ZFHX3: variants seen among roughly 807,000 people sequenced by gnomAD.
ZFHX3 encodes zinc finger homeobox protein 3.
A neutral mutation model predicts 279.1 loss-of-function variants in ZFHX3; 42 were observed. The observed-to-expected ratio is 0.15, with a 90% CI of 0.12 to 0.19. The LOEUF (loss-of-function observed/expected upper bound fraction) is 0.19, where lower values mean the gene tolerates loss of function less well. Ranked by LOEUF, ZFHX3 falls within the 10% of genes least tolerant of loss-of-function variation. The probability of loss-of-function intolerance (pLI) is 1.00; values close to 1 mark genes in which losing one functional copy is unlikely to be tolerated. For synonymous variants in ZFHX3, 2,293 were observed against 1,957.8 expected, an observed-to-expected ratio of 1.17 and a Z score of -4.52; for missense variants, 4,981 against 4,754.0, an observed-to-expected ratio of 1.05 and a Z score of -1.40.
intron 3 of ZFHX3, among the ~76,000 whole-genome samples, chr16:72,925,320 T>G (rs914467141): frequency 2.6e-5 from 4 of 152,230 alleles, no homozygotes; most frequent in African/African-American, 9.6e-5. Context: ...GCTTTTACCC[T>G]GTCAACGGTT....
intron 4 of ZFHX3, among the ~76,000 whole-genome samples, chr16:72,837,155 A>AG (rs950179196): frequency 1.2e-4 from 18 of 152,190 alleles, no homozygotes; most frequent in South Asian, 2.1e-4. Context: ...GTCTCCCTCC[A>AG]GGGGCGCCAT....
At chr16:73,462,343 A>G (rs1252344021) in intron 2 of ZFHX3, among the ~76,000 whole-genome samples, 2 of 152,152 alleles carry the variant, frequency 1.3e-5, no homozygotes, top group Non-Finnish European at 2.9e-5. Flanking sequence ...AATGTTGACA[A>G]TTATGTATTT....
intron 4 of ZFHX3, among the ~76,000 whole-genome samples, chr16:72,872,195 T>C (rs1232577864): frequency 6.6e-6 from 1 of 152,194 alleles, no homozygotes; most frequent in Non-Finnish European, 1.5e-5. Context: ...TTCTTAAGTA[T>C]TGCAATTATA....
chr16:73,832,729 G>A (rs1476170382), intron 1 of ZFHX3, among the ~76,000 whole-genome samples: 1 of 152,028 alleles, frequency 6.6e-6, no homozygotes, highest in South Asian at 2.1e-4. Flanking sequence ...CCTTTTAAAG[G>A]TTTTATTCAG....
At chr16:73,015,381 GTA>G (rs1964064763) in intron 1 of ZFHX3, 1 of 152,168 alleles carries the variant, frequency 6.6e-6, no homozygotes, top group Admixed American at 6.5e-5. Context: ...GTTCAGTGGA[GTA>G]TCTTAGCATT....
chr16:72,933,818 T>C (rs984390603), intron 3 of ZFHX3, among the ~76,000 whole-genome samples: 2 of 111,590 alleles, frequency 1.8e-5, no homozygotes, highest in African/African-American at 8.1e-5. Context: ...ACTTTCTTTT[T>C]TTTTTTTTTT....
intron 5 of ZFHX3, among the ~76,000 whole-genome samples, chr16:73,212,564 C>T (rs1478542875): frequency 1.3e-5 from 2 of 152,238 alleles, no homozygotes; most frequent in East Asian, 1.9e-4. Context: ...TGTGCTCTGG[C>T]ATACTGATAT....
At chr16:73,303,454 C>A (rs1188637258) in intron 4 of ZFHX3, among the ~76,000 whole-genome samples, 2 of 152,176 alleles carry the variant, frequency 1.3e-5, no homozygotes, top group Non-Finnish European at 2.9e-5. Flanking sequence ...GCTGATCTTA[C>A]AATTGACATG....
intron 3 of ZFHX3, among the ~76,000 whole-genome samples, chr16:73,419,119 G>A (rs2017662250): frequency 1.3e-5 from 2 of 152,354 alleles, no homozygotes; most frequent in East Asian, 1.9e-4. Context: ...CCTTGTAAAC[G>A]TAGGCTTTCC....
intron 4 of ZFHX3, among the ~76,000 whole-genome samples, chr16:72,882,746 T>C (rs1597342936): frequency 6.6e-6 from 1 of 152,186 alleles, no homozygotes; most frequent in African/African-American, 2.4e-5. Flanking sequence ...AAAAGTTTAA[T>C]TGCCCTTAAT....
intron 2 of ZFHX3, among the ~76,000 whole-genome samples, chr16:73,555,495 C>T (rs1423342196): frequency 1.3e-5 from 2 of 151,868 alleles, no homozygotes; most frequent in African/African-American, 2.4e-5. Context: ...CCCTCCGCTT[C>T]CCTCCCCAGT....
chr16:73,418,998 CA>C (rs2017658971), intron 3 of ZFHX3, among the ~76,000 whole-genome samples: 1 of 152,084 alleles, frequency 6.6e-6, no homozygotes, highest in Non-Finnish European at 1.5e-5. Flanking sequence ...CTGACGTTAC[CA>C]ATTTAAGGGA....
intron 7 of ZFHX3, among the ~76,000 whole-genome samples, chr16:73,108,532 G>A (rs930471757): frequency 1.3e-5 from 2 of 152,040 alleles, no homozygotes; most frequent in Non-Finnish European, 2.9e-5. Flanking sequence ...ACCTCACAAA[G>A]TGCTGGGATT....
intron 4 of ZFHX3, among the ~76,000 whole-genome samples, chr16:73,292,771 G>C (rs1437519288): frequency 6.6e-6 from 1 of 152,124 alleles, no homozygotes; most frequent in Admixed American, 6.5e-5. Context: ...GCCATGGTGA[G>C]GGGTGGCCTC....
At chr16:73,616,280 A>G (rs914430824) in intron 2 of ZFHX3, among the ~76,000 whole-genome samples, 21 of 150,736 alleles carry the variant, frequency 1.4e-4, no homozygotes, top group Admixed American at 9.3e-4. Flanking sequence ...TTTCCATTCA[A>G]GTTAGTCTAA....
chr16:73,514,543 A>G (rs1425424362), intron 2 of ZFHX3, among the ~76,000 whole-genome samples: 1 of 152,202 alleles, frequency 6.6e-6, no homozygotes, highest in Non-Finnish European at 1.5e-5. Flanking sequence ...TTCTCATTCT[A>G]TAATTCCAAT....
At chr16:73,423,634 G>A (rs560719195) in intron 3 of ZFHX3, among the ~76,000 whole-genome samples, 3 of 152,206 alleles carry the variant, frequency 2.0e-5, no homozygotes, top group Non-Finnish European at 4.4e-5. Context: ...GGCCGAGGCA[G>A]GTAGATCACC....
At chr16:73,531,853 C>A (rs543957248) in intron 2 of ZFHX3, among the ~76,000 whole-genome samples, 1 of 150,882 alleles carries the variant, frequency 6.6e-6, no homozygotes, top group South Asian at 2.1e-4. Flanking sequence ...TGTTTGGAGG[C>A]TGAGGCAGGA....
chr16:72,935,664 G>A (rs569325101), intron 3 of ZFHX3, among the ~76,000 whole-genome samples: 11 of 151,902 alleles, frequency 7.2e-5, no homozygotes, highest in South Asian at 2.1e-4. Context: ...AACTCGGGAG[G>A]GGGGGGTTGC....
Sources: gnomAD v4.1 joint callset for allele counts (sites outside exome capture counted in the v4.1 genomes callset) on GRCh38, gnomAD v4.1.1 for gene constraint, MANE v1.5 for transcripts, NCBI Gene and HGNC (gene_info 2026-07-23, HGNC 2026-07-21) for gene names.